Variants in PLEKHA6 observed in about 807,000 individuals in gnomAD.
PLEKHA6 encodes pleckstrin homology domain containing A6.
Under a neutral mutation model 116.7 loss-of-function variants are expected in PLEKHA6, and 60 were observed. The observed-to-expected ratio is 0.51, with a 90% confidence interval of 0.42 to 0.64. The LOEUF (loss-of-function observed/expected upper bound fraction) is 0.64, where lower values mean the gene tolerates loss of function less well. Among genes scored for constraint, PLEKHA6 ranks in the 30% least tolerant of loss-of-function variants. The pLI, the probability that PLEKHA6 is intolerant of heterozygous loss-of-function variation, is 0.00. For missense variants in PLEKHA6, 1,338 were observed against 1,422.7 expected (o/e 0.94, Z 0.96); for synonymous variants, 489 against 556.1 (o/e 0.88, Z 1.70).
At chr1:204,312,414 A>G (rs1671688082) in intron 1 of PLEKHA6, among the ~76,000 whole-genome samples, 1 of 152,164 alleles carries the variant, frequency 6.6e-6, no homozygotes, top group Non-Finnish European at 1.5e-5. Flanking sequence ...TCCCAGAAAC[A>G]CTCAACGGCA....
chr1:204,265,367 G>A (rs140499719), intron 5 of PLEKHA6, among the ~76,000 whole-genome samples: 14 of 152,278 alleles, frequency 9.2e-5, no homozygotes, highest in African/African-American at 1.7e-4. Context: ...TTTTGGAAGC[G>A]TTCAGGCACT....
At chr1:204,353,573 G>A (rs1673339523) in intron 1 of PLEKHA6, among the ~76,000 whole-genome samples, 1 of 152,204 alleles carries the variant, frequency 6.6e-6, no homozygotes, top group African/African-American at 2.4e-5. Context: ...GGAGCATATG[G>A]AGAACTTTAA....
chr1:204,248,844 C>T lies in PLEKHA6; in HGVS notation c.1801G>A (p.Val601Met), dbSNP rs527478614. 19 of 1,613,932 alleles carry T rather than the reference C, an allele frequency of 1.2e-5. No homozygotes were observed. The highest frequency in any genetic ancestry group is 1.7e-4 in the Middle Eastern group (1 of 6,054). Residue 601 changes from valine (V) to methionine (M), a missense_variant, in exon 12 of 23, where the codon GTG (valine) becomes ATG (methionine). Coordinates refer to ENST00000272203, the MANE Select transcript of PLEKHA6 (RefSeq NM_014935.5). Reference sequence around the variant, plus strand: ...ACCGTGGTCGCCTGAGACAGCTCCACGCGGATGTTGATGAGCTGGTTCTGC... The same window carrying T: ...ACCGTGGTCGCCTGAGACAGCTCCATGCGGATGTTGATGAGCTGGTTCTGC... The part of the protein sequence containing the change: ...SLQNQLINIR[V>M]ELSQATTALT...
intron 1 of PLEKHA6, among the ~76,000 whole-genome samples, chr1:204,376,234 A>C (rs1251625511): frequency 6.6e-6 from 1 of 152,198 alleles, no homozygotes; most frequent in Admixed American, 6.5e-5. Flanking sequence ...AAGAGAATGA[A>C]CCACTTCATC....
rs965786362 is a variant in PLEKHA6, at chr1:204,245,661, C to T, written c.1986G>A (p.Leu662=). 6.2e-6 allele frequency: 10 copies of T among 1,613,700 alleles called. No individual in the cohort carries two copies. The African/African-American group carries it at 1.3e-4, about 22-fold the overall frequency. ...IWRIQDVMEG[L]RKNNPSRGTD... ...TGCCCCGGGAGGGGTTGTTCTTCCT[C>T]AGCCCCTCCATCACGTCCTGGATCC... The change falls in exon 14 of 23, where the codon CTG becomes CTA. Residue 662 remains leucine (L), a synonymous_variant. Transcript: ENST00000272203.
At chr1:204,255,609 GC>G (rs1665172965) in intron 9 of PLEKHA6, 2 of 702,568 alleles carry the variant, frequency 2.8e-6, no homozygotes, top group Non-Finnish European at 5.2e-6. Flanking sequence ...GATAAGGGGG[GC>G]ACCAGCTCTG....
In PLEKHA6 at chr1:204,219,485, T is replaced by C. The variant is rs1659430268; in HGVS notation, c.*3303A>G. ...TCTTGGTTATTGATCATGGAGGTAA[T>C]GTGCTCATTGAGAAGGCCCTGGATG... On this transcript the variant is annotated 3_prime_UTR_variant, in exon 23 of 23. Coordinates refer to ENST00000272203, the MANE Select transcript of PLEKHA6 (RefSeq NM_014935.5). 1 of 152,248 alleles carries C rather than the reference T, an allele frequency of 6.6e-6. No homozygotes were observed. The highest frequency in any genetic ancestry group is 1.5e-5 in the Non-Finnish European group (1 of 68,022). 9.4% of individuals were successfully genotyped at this position (152,248 alleles called of 1,614,324 possible). A position where few individuals can be genotyped will look rare whatever the true frequency, so the allele number is the denominator to read the frequency against.
At chr1:204,369,784 T>C (rs527875543) in intron 2 of PLEKHA6, 3 of 152,302 alleles carry the variant, frequency 2.0e-5, no homozygotes, top group African/African-American at 4.8e-5. Flanking sequence ...CCTAGGATGA[T>C]AATGAGGTGG....
At chr1:204,269,813 T>C (rs1185954581) in intron 3 of PLEKHA6, among the ~76,000 whole-genome samples, 3 of 152,204 alleles carry the variant, frequency 2.0e-5, no homozygotes, top group African/African-American at 7.2e-5. Flanking sequence ...CTCTCAAATA[T>C]GTTTCTGATG....
Position 204,228,629 on chromosome 1 carries a change from C to T in PLEKHA6, c.2885+99G>A. ...TGGAGTCACCACCTCGATGTGCTCT[C>T]CCCTGGGGAGGCTCTGTGCCCCCAA... is the stretch of plus-strand genomic sequence containing the variant. On this transcript the variant is annotated intron_variant, in intron 20 of 22. Coordinates refer to ENST00000272203, the MANE Select transcript of PLEKHA6 (RefSeq NM_014935.5). The surrounding 1 kb of genome is among the most constrained non-coding windows in gnomAD (Gnocchi z 4.0). 7 of 1,112,950 alleles carry T rather than the reference C, an allele frequency of 6.3e-6. No homozygotes were observed. In the South Asian group the frequency reaches 9.4e-5, roughly 15 times the overall value. The allele number at this position is 1,112,950 out of a possible 1,614,324, so 68.9% of individuals were successfully genotyped here.
In PLEKHA6 at chr1:204,245,742, A is replaced by G; in HGVS notation, c.1921-16T>C. On this transcript the variant is annotated splice_polypyrimidine_tract_variant and intron_variant, in intron 13 of 22. Coordinates refer to ENST00000272203, the MANE Select transcript of PLEKHA6 (RefSeq NM_014935.5). ...GCACCTCATTCTGAAGCAGCCACAC[A>G]GTGAGTCAAAGGAAATGGCCATGAG... 6.4e-7 allele frequency: 1 copy of G among 1,555,696 alleles called. No homozygotes were observed. The highest frequency in any genetic ancestry group is 8.9e-7 in the Non-Finnish European group (1 of 1,128,990).
intron 9 of PLEKHA6, among the ~76,000 whole-genome samples, chr1:204,255,410 C>A (rs1665140889): frequency 6.6e-6 from 1 of 152,212 alleles, no homozygotes; most frequent in South Asian, 2.1e-4. Flanking sequence ...CATGTGCCTA[C>A]TTATTATGCT....
At chr1:204,289,427 C>T (rs1240808043) in intron 1 of PLEKHA6, among the ~76,000 whole-genome samples, 1 of 152,180 alleles carries the variant, frequency 6.6e-6, no homozygotes, top group Non-Finnish European at 1.5e-5. Flanking sequence ...TCCTTATCAC[C>T]CCTGGTTCCT....
Position 204,228,232 on chromosome 1 carries a change from A to C in PLEKHA6, c.2886-4T>G. The C allele has an allele frequency of 6.3e-7, 1 of 1,596,052 alleles. No homozygotes were observed. Among genetic ancestry groups the C allele is most frequent in the East Asian group, 2.2e-5 (1 of 44,506 alleles). ...GATGGGCACCACGTTCTGCATACTGAAGAGGCACAGACACACAGAAATGGA... is the reference window on the plus strand; with the variant it reads ...GATGGGCACCACGTTCTGCATACTGCAGAGGCACAGACACACAGAAATGGA... On this transcript the variant is annotated splice_region_variant and splice_polypyrimidine_tract_variant and intron_variant, in intron 20 of 22. Coordinates refer to ENST00000272203, the MANE Select transcript of PLEKHA6 (RefSeq NM_014935.5). This position sits in a 1 kb window ranked among gnomAD's most constrained non-coding sequence, Gnocchi z 4.0.
At chr1:204,372,791 C>A (rs559710574) in intron 1 of PLEKHA6, among the ~76,000 whole-genome samples, 1 of 152,186 alleles carries the variant, frequency 6.6e-6, no homozygotes, top group South Asian at 2.1e-4. Context: ...CTCTCCCCAG[C>A]AACTGATTTG....
At chr1:204,358,096 T>C (rs1673464756) in intron 1 of PLEKHA6, among the ~76,000 whole-genome samples, 1 of 152,200 alleles carries the variant, frequency 6.6e-6, no homozygotes, top group African/African-American at 2.4e-5. Context: ...CTGCAGCCTG[T>C]GTGCAGCAGC....
rs114958677 is a variant in PLEKHA6, at chr1:204,351,520, C to T, written c.-95+8174G>A. ...CACATATGCAACATGCGTGTGTCAGCGTGCAGATGTGGTCTCTCTGTGAAA... is the reference window on the plus strand; with the variant it reads ...CACATATGCAACATGCGTGTGTCAGTGTGCAGATGTGGTCTCTCTGTGAAA... On this transcript the variant is annotated intron_variant, in intron 1 of 22. Transcript: ENST00000272203. 8.7e-3 allele frequency among the ~76,000 whole-genome samples: 1,321 copies of T among 152,294 alleles called. 22 individuals carry two copies. The highest frequency in any genetic ancestry group is 0.031 in the African/African-American group (1,271 of 41,556).
chr1:204,370,879 C>A (rs998065425), intron 2 of PLEKHA6, among the ~76,000 whole-genome samples: 1 of 152,010 alleles, frequency 6.6e-6, no homozygotes, highest in Admixed American at 6.6e-5. Flanking sequence ...CATGGCAAAA[C>A]CCCATCTCTA....
intron 17 of PLEKHA6, among the ~76,000 whole-genome samples, chr1:204,237,085 A>G (rs1662164672): frequency 6.6e-6 from 1 of 152,208 alleles, no homozygotes; most frequent in African/African-American, 2.4e-5. Context: ...TGTTGATTCC[A>G]GGGGACCCAA....
Sources: gnomAD v4.1 joint callset for allele counts (sites outside exome capture counted in the v4.1 genomes callset) on GRCh38, gnomAD v4.1.1 for gene constraint, Gnocchi (gnomAD v3.1) non-coding constraint, MANE v1.5 for transcripts, NCBI Gene and HGNC (gene_info 2026-07-23, HGNC 2026-07-21) for gene names.